Variants in IQCC observed in about 807,000 individuals in gnomAD.
IQCC encodes IQ motif containing C, also known as IQ domain-containing protein C.
In IQCC, 23 loss-of-function variants were observed where a neutral mutation model predicts 27.0. The ratio of observed to expected loss-of-function variants is 0.85; its 90% CI spans 0.61 to 1.21. The LOEUF is 1.21. Among genes scored for constraint, IQCC ranks in the 50% most tolerant of loss-of-function variants. IQCC has a pLI of 0.00. For missense variants in IQCC, 552 were observed against 562.3 expected (o/e 0.98, Z 0.19); for synonymous variants, 220 against 217.2 (o/e 1.01, Z -0.11).
At position 32,205,994 on chromosome 1, in the gene IQCC, C is replaced by T. The variant is rs902826435; in HGVS notation, c.43-160C>T. 1.3e-6 allele frequency: 2 copies of T among 1,569,550 alleles called. No individual in the cohort carries two copies. The highest frequency in any genetic ancestry group is 1.7e-6 in the Non-Finnish European group (2 of 1,156,090). On this transcript the variant is annotated intron_variant, in intron 1 of 4. Transcript: ENST00000291358. This position sits in a 1 kb window ranked among gnomAD's most constrained non-coding sequence, Gnocchi z 5.6. Reference sequence around the variant, plus strand: ...GAGGGGCATCCAGTCTGGCATCGTCCCTCGAGCCCCCCGGAGCCCTAGCGC... The same window carrying T: ...GAGGGGCATCCAGTCTGGCATCGTCTCTCGAGCCCCCCGGAGCCCTAGCGC...
At chr1:32,206,936 G>A (rs1228877545) in intron 3 of IQCC, 66 bp from the exon 4 acceptor site, 9 of 1,443,864 alleles carry the variant, frequency 6.2e-6, no homozygotes, top group Non-Finnish European at 8.6e-6. Context: ...CAAAGTCTAA[G>A]GCTAGGCCAT....
At chr1:32,206,938 C>A in intron 3 of IQCC, 64 bp from the exon 4 acceptor site, 2 of 1,442,250 alleles carry the variant, frequency 1.4e-6, no homozygotes, top group Non-Finnish European at 1.9e-6. Flanking sequence ...AAGTCTAAGG[C>A]TAGGCCATTT....
At chr1:32,207,217 A>G (rs745366652) in intron 4 of IQCC, 23 bp from the exon 5 acceptor site, 1 of 1,613,226 alleles carries the variant, frequency 6.2e-7, no homozygotes, top group South Asian at 1.1e-5. Flanking sequence ...GCTTGGTACA[A>G]TGTATGTTCT....
Position 32,208,000 on chromosome 1 carries a change from A to T in IQCC, c.1319A>T (p.Glu440Val). Residue 440 changes from glutamate to valine, a missense_variant, in exon 5 of 5, where the codon GAG becomes GTG. Physicochemically the swap from Glu to Val is moderately radical, Grantham distance 121 (BLOSUM62 -2). Coordinates refer to ENST00000291358, the MANE Select transcript of IQCC (RefSeq NM_018134.3). ...RTIPWRSKSPEILSSTKAGCT... is the reference protein window; with the variant it reads ...RTIPWRSKSPVILSSTKAGCT... ...ATACCATGGAGATCAAAGTCACCTG[A>T]GATTCTGTCTTCTACAAAGGCAGGC... 5 of 1,614,196 alleles carry T rather than the reference A, an allele frequency of 3.1e-6. No individual in the cohort carries two copies. Among genetic ancestry groups the T allele is most frequent in the Non-Finnish European group, 4.2e-6 (5 of 1,180,008 alleles).
chr1:32,205,957 C>T lies in IQCC; in HGVS notation c.43-197C>T. The T allele has an allele frequency of 6.4e-7, 1 of 1,553,172 alleles. No individual in the cohort carries two copies. The highest frequency in any genetic ancestry group is 2.0e-5 in the Admixed American group (1 of 51,112). Reference sequence around the variant, plus strand: ...CGCCGGATCAGGGAAACGGGAAGAGCCTTAAGGCGAGGAGGGGCATCCAGT... The same window carrying T: ...CGCCGGATCAGGGAAACGGGAAGAGTCTTAAGGCGAGGAGGGGCATCCAGT... On this transcript the variant is annotated intron_variant, in intron 1 of 4. Transcript: ENST00000291358. The surrounding 1 kb of genome is among the most constrained non-coding windows in gnomAD (Gnocchi z 5.6).
chr1:32,206,530 T>G lies in IQCC; in HGVS notation c.208T>G (p.Trp70Gly). The G allele has an allele frequency of 6.2e-7, 1 of 1,614,150 alleles. No individual in the cohort carries two copies. Among genetic ancestry groups the G allele is most frequent in the Non-Finnish European group, 8.5e-7 (1 of 1,180,032 alleles). ...TCAGAAGGCAAAATCCCATCAGACC[T>G]GGAAAGCAGGAGACAGGGTAGCAAA... Reference protein sequence around the residue: ...LPEKAKSHQTWKAGDRVANPE... With the variant: ...LPEKAKSHQTGKAGDRVANPE... Residue 70 changes from tryptophan (W) to glycine (G), a missense_variant, in exon 3 of 5, where the codon TGG becomes GGG. Coordinates refer to ENST00000291358, the MANE Select transcript of IQCC (RefSeq NM_018134.3).
In IQCC at chr1:32,207,955, G is replaced by GACA; in HGVS notation, c.1275_1277dup (p.Gln426dup). ...ACCTCCAATGAGCCTAGTCATGAAG[G>GACA]ACAGAAAAAGCAGAGGACTATACCA... On this transcript the variant is annotated inframe_insertion, in exon 5 of 5. Coordinates refer to ENST00000291358, the MANE Select transcript of IQCC (RefSeq NM_018134.3). 4 of 1,614,162 alleles carry GACA rather than the reference G, an allele frequency of 2.5e-6. No individual in the cohort carries two copies. Among genetic ancestry groups the GACA allele is most frequent in the Non-Finnish European group, 3.4e-6 (4 of 1,180,020 alleles).
rs1399890460 is a variant in IQCC, at chr1:32,208,220, G to A, written c.*138G>A. ...GGCCATTGGTGACTAGTGGGGCCAA[G>A]AGAAGCTGGAGCAGAGAGCTGGCAT... On this transcript the variant is annotated 3_prime_UTR_variant, in exon 5 of 5. Coordinates refer to ENST00000291358, the MANE Select transcript of IQCC (RefSeq NM_018134.3). 4 of 871,274 alleles carry A rather than the reference G, an allele frequency of 4.6e-6. No homozygotes were observed. The highest frequency in any genetic ancestry group is 1.7e-5 in the African/African-American group (1 of 58,648). The allele number at this position is 871,274 out of a possible 1,614,324, so 54.0% of individuals were successfully genotyped here. A position where few individuals can be genotyped will look rare whatever the true frequency, so the allele number is the denominator to read the frequency against.
In IQCC at chr1:32,206,151, C is replaced by A; in HGVS notation, c.43-3C>A. 6.2e-7 allele frequency: 1 copy of A among 1,613,576 alleles called. No homozygotes were observed. Among genetic ancestry groups the A allele is most frequent in the Non-Finnish European group, 8.5e-7 (1 of 1,179,530 alleles). ...ACTTCTTTCCTCTCGTTCTCCATAC[C>A]AGGCCTGCGTCCGGGGCTTCTTGGT... On this transcript the variant is annotated splice_region_variant and splice_polypyrimidine_tract_variant and intron_variant, in intron 1 of 4. Coordinates refer to ENST00000291358, the MANE Select transcript of IQCC (RefSeq NM_018134.3).
In IQCC at chr1:32,207,275, G is replaced by A; in HGVS notation, c.594G>A (p.Glu198=). Residue 198 remains glutamate (E), a synonymous_variant, in exon 5 of 5, where the codon GAG becomes GAA. Coordinates refer to ENST00000291358, the MANE Select transcript of IQCC (RefSeq NM_018134.3). The stretch of plus-strand genomic sequence containing the variant: ...TTAAACAAACACTGAGATCCCCAGA[G>A]GCGGGCCCGATCAGAGAGGAACCCC... ...LLLKQTLRSP[E]AGPIREEPRV... 6.2e-7 allele frequency: 1 copy of A among 1,614,002 alleles called. No individual in the cohort carries two copies. Among genetic ancestry groups the A allele is most frequent in the African/African-American group, 1.3e-5 (1 of 75,004 alleles).
At position 32,206,566 on chromosome 1, in the gene IQCC, G is replaced by A. The variant is rs1643345875; in HGVS notation, c.244G>A (p.Gly82Arg). 6.2e-7 allele frequency: 1 copy of A among 1,614,182 alleles called. No homozygotes were observed. Among genetic ancestry groups the A allele is most frequent in the African/African-American group, 1.3e-5 (1 of 75,044 alleles). The change falls in exon 3 of 5, where the codon GGG (glycine) becomes AGG (arginine). Residue 82 changes from glycine (G) to arginine (R), a missense_variant. Coordinates refer to ENST00000291358, the MANE Select transcript of IQCC (RefSeq NM_018134.3). ...AGACAGGGTAGCAAATCCAGAGCAGGGGCTGTGGAACCACTTCCCATGTGA... is the reference window on the plus strand; with the variant it reads ...AGACAGGGTAGCAAATCCAGAGCAGAGGCTGTGGAACCACTTCCCATGTGA... ...AGDRVANPEQ[G>R]LWNHFPCEES...
At position 32,207,681 on chromosome 1, in the gene IQCC, T is replaced by C; in HGVS notation, c.1000T>C (p.Cys334Arg). 3 of 1,614,028 alleles carry C rather than the reference T, an allele frequency of 1.9e-6. No individual in the cohort carries two copies. The highest frequency in any genetic ancestry group is 2.5e-6 in the Non-Finnish European group (3 of 1,179,998). Residue 334 changes from cysteine to arginine, a missense_variant, in exon 5 of 5, where the codon TGT (cysteine) becomes CGT (arginine). By Grantham distance (180) the Cys-to-Arg change is radical. Transcript: ENST00000291358. ...TPRGLKPRNH[C>R]PRKSRTQLSA... ...CAGAGGTTTAAAACCTAGGAACCAT[T>C]GTCCCAGGAAGTCCAGGACACAGCT... is the stretch of plus-strand genomic sequence containing the variant.
rs148328442 is a variant in IQCC, at chr1:32,205,855, T to C, written c.42+132T>C. On this transcript the variant is annotated intron_variant, in intron 1 of 4. Transcript: ENST00000291358. This position sits in a 1 kb window ranked among gnomAD's most constrained non-coding sequence, Gnocchi z 5.6. ...CGCGCCAACCTCTGGAGATACCGGC[T>C]GTCCCCAACCGCGCTGAGGAAAGCT... is the stretch of plus-strand genomic sequence containing the variant. 465 of 1,554,486 alleles carry C rather than the reference T, an allele frequency of 3.0e-4. 1 individual carries two copies. The East Asian group carries it at 0.01, about 35-fold the overall frequency.
chr1:32,207,087 G>A lies in IQCC; in HGVS notation c.525G>A (p.Leu175=), dbSNP rs1643372518. ...GCAGCCACTTGGCCATGGAATTGCT[G>A]TGGCTGCAACAGGCCATCAATAGCC... ...YHRSHLAMEL[L]WLQQAINSRK... Residue 175 remains leucine, a synonymous_variant, in exon 4 of 5, where the codon CTG becomes CTA. Coordinates refer to ENST00000291358, the MANE Select transcript of IQCC (RefSeq NM_018134.3). 6 of 1,612,326 alleles carry A rather than the reference G, an allele frequency of 3.7e-6. No individual in the cohort carries two copies. Among genetic ancestry groups the A allele is most frequent in the Non-Finnish European group, 5.1e-6 (6 of 1,179,190 alleles).
Position 32,207,844 on chromosome 1 carries a change from G to A in IQCC, c.1163G>A (p.Gly388Glu), listed in dbSNP as rs146534863. Residue 388 changes from glycine to glutamate, a missense_variant, in exon 5 of 5, where the codon GGG becomes GAG. Physicochemically the swap from Gly to Glu is moderately conservative, Grantham distance 98. Transcript: ENST00000291358. ...EDHIIWDGTL[G>E]GPEHSVLDLW... The stretch of plus-strand genomic sequence containing the variant: ...CACATCATCTGGGATGGTACCTTGG[G>A]GGGGCCAGAGCATAGTGTCCTCGAT... 7 of 1,614,092 alleles carry A rather than the reference G, an allele frequency of 4.3e-6. No individual in the cohort carries two copies. Among genetic ancestry groups the A allele is most frequent in the Non-Finnish European group, 5.9e-6 (7 of 1,180,016 alleles).
Position 32,207,729 on chromosome 1 carries a change from A to T in IQCC, c.1048A>T (p.Asn350Tyr). The change falls in exon 5 of 5, where the codon AAT (asparagine) becomes TAT (tyrosine). Residue 350 changes from asparagine to tyrosine, a missense_variant. Physicochemically the swap from Asn to Tyr is moderately radical, Grantham distance 143. Transcript: ENST00000291358. ...GCTGTCTGCACTCTATGAGGACTCA[A>T]ATATTAAGGAGATGTCTCCCAGAAA... ...TQLSALYEDS[N>Y]IKEMSPRKLD... 4.3e-6 allele frequency: 7 copies of T among 1,613,992 alleles called. No homozygotes were observed. Among genetic ancestry groups the T allele is most frequent in the Non-Finnish European group, 5.9e-6 (7 of 1,180,034 alleles).
chr1:32,207,986 A>G lies in IQCC; in HGVS notation c.1305A>G (p.Arg435=). ...GQKKQRTIPW[R]SKSPEILSST... is the part of the protein sequence containing the mutation. The stretch of plus-strand genomic sequence containing the variant: ...AAAAGCAGAGGACTATACCATGGAG[A>G]TCAAAGTCACCTGAGATTCTGTCTT... The change falls in exon 5 of 5, where the codon AGA becomes AGG. Residue 435 remains arginine (R), a synonymous_variant. Coordinates refer to ENST00000291358, the MANE Select transcript of IQCC (RefSeq NM_018134.3). 6 of 1,614,200 alleles carry G rather than the reference A, an allele frequency of 3.7e-6. No individual in the cohort carries two copies. The highest frequency in any genetic ancestry group is 5.1e-6 in the Non-Finnish European group (6 of 1,180,026).
chr1:32,207,328 C>T lies in IQCC; in HGVS notation c.647C>T (p.Ala216Val), dbSNP rs758923443. The T allele has an allele frequency of 1.2e-6, 2 of 1,613,982 alleles. No homozygotes were observed. The highest frequency in any genetic ancestry group is 1.7e-6 in the Non-Finnish European group (2 of 1,179,990). ...PRVFLEHGEQ[A>V]CERDQSQPSA... is the part of the protein sequence containing the mutation. ...GTGTTCCTAGAACATGGGGAACAGG[C>T]CTGTGAGAGGGACCAGTCACAACCA... Residue 216 changes from alanine to valine, a missense_variant, in exon 5 of 5, where the codon GCC becomes GTC. Physicochemically the swap from Ala to Val is moderately conservative, Grantham distance 64. Coordinates refer to ENST00000291358, the MANE Select transcript of IQCC (RefSeq NM_018134.3).
At position 32,207,270 on chromosome 1, in the gene IQCC, C is replaced by T; in HGVS notation, c.589C>T (p.Pro197Ser). The change falls in exon 5 of 5, where the codon CCA (proline) becomes TCA (serine). Residue 197 changes from proline (P) to serine (S), a missense_variant. Coordinates refer to ENST00000291358, the MANE Select transcript of IQCC (RefSeq NM_018134.3). Reference protein sequence around the residue: ...YLLLKQTLRSPEAGPIREEPR... With the variant: ...YLLLKQTLRSSEAGPIREEPR... ...ACTTCTTAAACAAACACTGAGATCCCCAGAGGCGGGCCCGATCAGAGAGGA... is the reference window on the plus strand; with the variant it reads ...ACTTCTTAAACAAACACTGAGATCCTCAGAGGCGGGCCCGATCAGAGAGGA... 6.2e-7 allele frequency: 1 copy of T among 1,614,026 alleles called. No homozygotes were observed. The highest frequency in any genetic ancestry group is 8.5e-7 in the Non-Finnish European group (1 of 1,179,984).
Sources: gnomAD v4.1 joint callset for allele counts on GRCh38, gnomAD v4.1.1 for gene constraint, Gnocchi (gnomAD v3.1) non-coding constraint, MANE v1.5 for transcripts, NCBI Gene and HGNC (gene_info 2026-07-23, HGNC 2026-07-21) for gene names.